The following PRELID2 variants were observed in gnomAD, a reference collection of about 807,000 sequenced individuals.
PRELID2 encodes PRELI domain containing 2.
In PRELID2, 25 loss-of-function variants were observed where a neutral mutation model predicts 28.4. That is an observed-to-expected ratio of 0.88 (90% CI 0.64 to 1.23). PRELID2 has a LOEUF of 1.23. Ranked by LOEUF, PRELID2 falls within the 50% of genes most tolerant of loss-of-function variation. The pLI is 0.00. For synonymous variants in PRELID2, 76 were observed against 71.6 expected (o/e 1.06, Z -0.31); for missense variants, 201 against 214.4 (o/e 0.94, Z 0.39).
At chr5:145,302,040 G>A in the PRELID2 span, among the ~76,000 whole-genome samples, 1 of 148,108 alleles carries the variant, frequency 6.8e-6, no homozygotes, top group South Asian at 2.1e-4. Flanking sequence ...ATGTTCATTA[G>A]TATTACATTG....
Position 145,818,024 on chromosome 5 carries a change from A to G in PRELID2, c.238T>C (p.Leu80=), listed in dbSNP as rs1754494536. ...VSILKVPNIQ[L]EEESWLNPRE... The stretch of plus-strand genomic sequence containing the variant: ...GGATTGAGCCATGACTCCTCTTCTA[A>G]TTGGATATTAGGTACTTTCAAAATG... Residue 80 remains leucine, a synonymous_variant, in exon 4 of 7, where the codon TTA becomes CTA. Transcript: ENST00000683046. 6.2e-7 allele frequency: 1 copy of G among 1,612,460 alleles called. No homozygotes were observed. Among genetic ancestry groups the G allele is most frequent in the East Asian group, 2.2e-5 (1 of 44,690 alleles).
chr5:145,720,692 T>C lies in PRELID2; in HGVS notation n.70+44239A>G, dbSNP rs1755964238. Among the ~76,000 whole-genome samples the C allele has an allele frequency of 2.6e-5, 4 of 151,892 alleles. No homozygotes were observed. In the South Asian group the frequency reaches 8.3e-4, roughly 32 times the overall value. On this transcript the variant is annotated intron_variant and non_coding_transcript_variant, in intron 1 of 2. Transcript: ENST00000510259. ...GGGTTAATAGTGAGGACTTAATACA[T>C]ATAATTTTAGATTTAAGACTAAAAC...
chr5:145,451,528 C>T, the PRELID2 span, among the ~76,000 whole-genome samples: 11 of 152,268 alleles, frequency 7.2e-5, no homozygotes, highest in South Asian at 1.4e-3. Context: ...GGGCAGAGAT[C>T]GCGCCCTACC....
chr5:145,349,351 G>A, the PRELID2 span, among the ~76,000 whole-genome samples: 67 of 151,978 alleles, frequency 4.4e-4, no homozygotes, highest in Admixed American at 1.7e-3. Flanking sequence ...TTGCCATTAT[G>A]GCTGCAAGAA....
intron 1 of PRELID2, among the ~76,000 whole-genome samples, chr5:145,631,721 A>G (rs1376481782): frequency 6.6e-6 from 1 of 152,220 alleles, no homozygotes; most frequent in Non-Finnish European, 1.5e-5. Flanking sequence ...TAAAGGCAGT[A>G]ACTCTATATT....
chr5:145,561,251 T>C (rs1478500535), intron 1 of PRELID2, among the ~76,000 whole-genome samples: 1 of 152,208 alleles, frequency 6.6e-6, no homozygotes, highest in Admixed American at 6.5e-5. Context: ...ACATATTAAC[T>C]TCCAATAAAA....
chr5:145,253,850 A>C, the PRELID2 span, among the ~76,000 whole-genome samples: 1,443 of 152,122 alleles, frequency 9.5e-3, 21 homozygotes, highest in African/African-American at 0.033. Flanking sequence ...AAAAAAACAA[A>C]AAAAAAATCC....
the PRELID2 span, among the ~76,000 whole-genome samples, chr5:145,424,457 C>T: frequency 1.1e-4 from 17 of 152,188 alleles, no homozygotes; most frequent in South Asian, 6.2e-4. Context: ...TTTTTAAGCC[C>T]GTCGGAAAAG....
intron 4 of PRELID2, among the ~76,000 whole-genome samples, chr5:145,817,263 T>G: frequency 7.7e-6 from 1 of 130,228 alleles, no homozygotes; most frequent in East Asian, 2.2e-4. Context: ...TCATATAACA[T>G]AAAGGATCAT....
intron 1 of PRELID2, among the ~76,000 whole-genome samples, chr5:145,639,417 G>C (rs1356781103): frequency 1.3e-5 from 2 of 152,140 alleles, no homozygotes; most frequent in African/African-American, 4.8e-5. Flanking sequence ...CATTGTTTTT[G>C]CCATCTGGAA....
At chr5:145,346,821 A>C in the PRELID2 span, among the ~76,000 whole-genome samples, 1 of 152,098 alleles carries the variant, frequency 6.6e-6, no homozygotes, top group Middle Eastern at 3.2e-3. Flanking sequence ...CTATGTGTGA[A>C]CTCTGCTTAT....
the PRELID2 span, among the ~76,000 whole-genome samples, chr5:145,403,713 T>A: frequency 6.6e-6 from 1 of 152,344 alleles, no homozygotes. Flanking sequence ...GGTGTTATTA[T>A]CCCTGATTTA....
At chr5:145,556,963 T>C (rs770601747) in intron 1 of PRELID2, among the ~76,000 whole-genome samples, 14 of 152,158 alleles carry the variant, frequency 9.2e-5, no homozygotes, top group African/African-American at 1.7e-4. Context: ...CCAATATCTC[T>C]AGTGTAAATT....
the PRELID2 span, among the ~76,000 whole-genome samples, chr5:145,331,520 T>C: frequency 6.6e-6 from 1 of 152,344 alleles, no homozygotes; most frequent in South Asian, 2.1e-4. Context: ...TTCATGACTA[T>C]GTAACGCCCT....
chr5:145,466,824 A>G (rs575630489), downstream of PRELID2, among the ~76,000 whole-genome samples: 5 of 152,176 alleles, frequency 3.3e-5, no homozygotes, highest in South Asian at 1.0e-3. Context: ...ACCCACTCCC[A>G]TTTAGCAAGC....
chr5:145,546,563 T>G (rs1183578716), intron 1 of PRELID2, among the ~76,000 whole-genome samples: 1 of 152,230 alleles, frequency 6.6e-6, no homozygotes, highest in Non-Finnish European at 1.5e-5. Context: ...AGAACATTCA[T>G]TGTATGAACA....
chr5:145,496,218 C>G (rs887469780), intron 1 of PRELID2, among the ~76,000 whole-genome samples: 1 of 152,074 alleles, frequency 6.6e-6, no homozygotes, highest in Admixed American at 6.6e-5. Flanking sequence ...ACAAATTTGA[C>G]TCGTGTTCTG....
At chr5:145,391,508 C>A in the PRELID2 span, among the ~76,000 whole-genome samples, 53 of 152,228 alleles carry the variant, frequency 3.5e-4, no homozygotes, top group African/African-American at 1.2e-3. Flanking sequence ...ATGGCCTGGC[C>A]CTGGAAACCA....
At chr5:145,381,695 A>G in the PRELID2 span, 3 of 152,510 alleles carry the variant, frequency 2.0e-5, no homozygotes, top group African/African-American at 4.8e-5. Flanking sequence ...AGTAAATGCT[A>G]TGATCCAGAA....
Sources: allele counts gnomAD v4.1 joint callset (sites outside exome capture counted in the v4.1 genomes callset), GRCh38; gene constraint gnomAD v4.1.1; transcripts MANE v1.5; gene names NCBI Gene and HGNC (gene_info 2026-07-23, HGNC 2026-07-21).